Variants in TPH2 observed in about 807,000 individuals in gnomAD.
TPH2 encodes the protein tryptophan 5-hydroxylase 2.
Under a neutral mutation model 59.1 loss-of-function variants are expected in TPH2, and 27 were observed. That is an observed-to-expected ratio of 0.46 (90% confidence interval 0.34 to 0.63). The LOEUF is 0.63. Among genes scored for constraint, TPH2 ranks in the 30% least tolerant of loss-of-function variants. The pLI is 0.01. For missense variants in TPH2, 523 were observed against 588.3 expected, an observed-to-expected ratio of 0.89 and a Z score of 1.15; for synonymous variants, 220 against 210.5, an observed-to-expected ratio of 1.05 and a Z score of -0.39.
Position 72,031,837 on chromosome 12 carries a change from T to G in TPH2, c.*142T>G, listed in dbSNP as rs1873732706. On this transcript the variant is annotated 3_prime_UTR_variant, in exon 11 of 11. Coordinates refer to ENST00000333850, the MANE Select transcript of TPH2 (RefSeq NM_173353.4). ...CCATATATCTATACCATCTTGTAAC[T>G]CACTGTGTTAGTATATAAAGCACCA... is the stretch of plus-strand genomic sequence containing the variant. 1.1e-6 allele frequency: 1 copy of G among 938,172 alleles called. No homozygotes were observed. The highest frequency in any genetic ancestry group is 1.4e-5 in the South Asian group (1 of 74,020). The allele number at this position is 938,172 out of a possible 1,614,324, so 58.1% of individuals were successfully genotyped here. A position where few individuals can be genotyped will look rare whatever the true frequency, so the allele number is the denominator to read the frequency against.
intron 5 of TPH2, among the ~76,000 whole-genome samples, chr12:71,971,096 G>T (rs74363871): frequency 6.6e-6 from 1 of 152,152 alleles, no homozygotes; most frequent in East Asian, 1.9e-4. Flanking sequence ...TCTTGTTATA[G>T]TCCTCTATCT....
intron 4 of TPH2, among the ~76,000 whole-genome samples, chr12:71,948,551 C>T (rs1194500277): frequency 6.6e-6 from 1 of 152,176 alleles, no homozygotes; most frequent in African/African-American, 2.4e-5. Flanking sequence ...TGAGGCTCCT[C>T]TTGAGCGGCC....
At chr12:71,980,930 T>TA (rs34487536) in intron 7 of TPH2, among the ~76,000 whole-genome samples, 26 of 152,202 alleles carry the variant, frequency 1.7e-4, no homozygotes, top group Admixed American at 1.3e-4. Context: ...ATAGTAGCTT[T>TA]AAAAAAAATT....
At chr12:72,026,369 G>T (rs1490736936) in intron 9 of TPH2, among the ~76,000 whole-genome samples, 1 of 152,040 alleles carries the variant, frequency 6.6e-6, no homozygotes, top group Non-Finnish European at 1.5e-5. Flanking sequence ...TTATTGTGTT[G>T]CCTTGATATA....
intron 7 of TPH2, among the ~76,000 whole-genome samples, chr12:71,988,537 G>A (rs916774616): frequency 1.3e-5 from 2 of 152,116 alleles, no homozygotes; most frequent in African/African-American, 4.8e-5. Context: ...ACTTTTAAAC[G>A]ACCAGATCTC....
intron 8 of TPH2, among the ~76,000 whole-genome samples, chr12:71,997,775 G>C (rs1265653471): frequency 6.6e-6 from 1 of 152,166 alleles, no homozygotes; most frequent in Non-Finnish European, 1.5e-5. Context: ...GAAAAAAAGA[G>C]GTGGTAGTTT....
Position 72,031,396 on chromosome 12 carries a change from AC to A in TPH2, c.1298+6del. On this transcript the variant is annotated splice_donor_region_variant and intron_variant, in intron 10 of 10. Transcript: ENST00000333850. ...AGAAGCCAAAGAAAAGATGAGGTAA[AC>A]TTTTTTTTCCTCCTAGCTAGAGAAA... The A allele has an allele frequency of 2.5e-6, 4 of 1,613,566 alleles. No homozygotes were observed. Among genetic ancestry groups the A allele is most frequent in the Non-Finnish European group, 3.4e-6 (4 of 1,179,602 alleles).
chr12:72,003,352 G>T (rs571489274), intron 8 of TPH2, among the ~76,000 whole-genome samples: 67 of 152,226 alleles, frequency 4.4e-4, no homozygotes, highest in African/African-American at 1.6e-3. Context: ...ATGTTTGTGT[G>T]GATGATCAGT....
intron 9 of TPH2, among the ~76,000 whole-genome samples, chr12:72,030,202 C>T (rs979590400): frequency 6.6e-6 from 1 of 152,082 alleles, no homozygotes; most frequent in African/African-American, 2.4e-5. Context: ...CAACTAATTT[C>T]CCCCTTAAAT....
At chr12:71,969,511 G>T (rs964136330) in intron 5 of TPH2, among the ~76,000 whole-genome samples, 2 of 152,080 alleles carry the variant, frequency 1.3e-5, no homozygotes, top group Admixed American at 1.3e-4. Context: ...CATTCCTGGT[G>T]CCCCAAACAC....
rs372923379 is a variant in TPH2, at chr12:72,025,161, G to A, written c.1164+2667G>A. 9.2e-5 allele frequency among the ~76,000 whole-genome samples: 14 copies of A among 152,136 alleles called. No individual in the cohort carries two copies. In the South Asian group the frequency reaches 1.5e-3, roughly 16 times the overall value. ...ATGTAGGGATAACTTTATTAATAGC[G>A]TTATCATAATTCCTGTGTAAACAAG... On this transcript the variant is annotated intron_variant, in intron 9 of 10. Coordinates refer to ENST00000333850, the MANE Select transcript of TPH2 (RefSeq NM_173353.4).
At chr12:71,994,629 C>T (rs1872651832) in intron 8 of TPH2, 64 bp downstream of exon 8, 1 of 1,592,206 alleles carries the variant, frequency 6.3e-7, no homozygotes, top group East Asian at 2.2e-5. Context: ...AAGAAAGCTT[C>T]AGGATTATTG....
intron 8 of TPH2, among the ~76,000 whole-genome samples, chr12:72,007,701 A>G (rs925192825): frequency 1.6e-4 from 24 of 152,218 alleles, no homozygotes; most frequent in African/African-American, 5.3e-4. Context: ...TGTACCTTAA[A>G]ATGACATGCT....
intron 4 of TPH2, among the ~76,000 whole-genome samples, chr12:71,947,799 C>CA (rs987145015): frequency 6.6e-6 from 1 of 152,066 alleles, no homozygotes; most frequent in African/African-American, 2.4e-5. Flanking sequence ...GCTAATGAGG[C>CA]ATGATGAGTA....
In TPH2 at chr12:71,938,917, A is replaced by G; in HGVS notation, c.-70A>G. ...GCTGATCGCACGCCCCTTCCTCTCA[A>G]TCTCCGCCAGCGCTGCTACTGCCCC... On this transcript the variant is annotated 5_prime_UTR_variant, in exon 1 of 11. Transcript: ENST00000333850. 1.5e-6 allele frequency: 2 copies of G among 1,358,968 alleles called. No homozygotes were observed. The highest frequency in any genetic ancestry group is 2.1e-6 in the Non-Finnish European group (2 of 951,628). The allele number at this position is 1,358,968 out of a possible 1,614,324, so 84.2% of individuals were successfully genotyped here. A position where few individuals can be genotyped will look rare whatever the true frequency, so the allele number is the denominator to read the frequency against.
Position 71,961,609 on chromosome 12 carries a change from C to T in TPH2, c.609-10910C>T, listed in dbSNP as rs547202031. 3.7e-6 allele frequency: 5 copies of T among 1,352,100 alleles called. No individual in the cohort carries two copies. The South Asian group carries it at 5.7e-5, about 15-fold the overall frequency. 83.8% of individuals were successfully genotyped at this position (1,352,100 alleles called of 1,614,324 possible). ...TGGGAATTTCAGCTCTTTTCTGTAT[C>T]AAGTTCTTTGAGCTCAAGCTCCTTG... On this transcript the variant is annotated intron_variant, in intron 5 of 10. Coordinates refer to ENST00000333850, the MANE Select transcript of TPH2 (RefSeq NM_173353.4).
At chr12:72,021,352 A>G (rs1873409067) in intron 8 of TPH2, among the ~76,000 whole-genome samples, 1 of 139,494 alleles carries the variant, frequency 7.2e-6, no homozygotes, top group Non-Finnish European at 1.6e-5. Context: ...ACTTGGGCCA[A>G]TAAAGTGTGT....
intron 9 of TPH2, among the ~76,000 whole-genome samples, chr12:72,028,384 C>T (rs970750264): frequency 6.6e-6 from 1 of 152,068 alleles, no homozygotes; most frequent in African/African-American, 2.4e-5. Context: ...TAGAGAGAGA[C>T]CTGGATAGAA....
At chr12:71,997,883 G>A (rs1872732239) in intron 8 of TPH2, among the ~76,000 whole-genome samples, 1 of 152,142 alleles carries the variant, frequency 6.6e-6, no homozygotes, top group African/African-American at 2.4e-5. Context: ...AGAAGAAATG[G>A]ATTTAGCTGA....
Sources: allele counts gnomAD v4.1 joint callset (sites outside exome capture counted in the v4.1 genomes callset), GRCh38; gene constraint gnomAD v4.1.1; transcripts MANE v1.5; gene names NCBI Gene and HGNC (gene_info 2026-07-23, HGNC 2026-07-21).